The following KAT6A variants were observed in gnomAD, a reference collection of about 807,000 sequenced individuals.
KAT6A encodes the protein lysine acetyltransferase 6A, also known as histone acetyltransferase KAT6A.
KAT6A carries 9 observed loss-of-function variants against 198.4 expected under a neutral mutation model. The ratio of observed to expected loss-of-function variants is 0.05; its 90% CI spans 0.03 to 0.08. KAT6A has a LOEUF of 0.08. Ranked by LOEUF, KAT6A falls within the 10% of genes least tolerant of loss-of-function variation. KAT6A has a pLI of 1.00. For missense variants in KAT6A, 2,077 were observed against 2,509.9 expected, an observed-to-expected ratio of 0.83 and a Z score of 3.69; for synonymous variants, 890 against 883.0, an observed-to-expected ratio of 1.01 and a Z score of -0.14.
chr8:41,950,868 A>G (rs1437464398), intron 9 of KAT6A, among the ~76,000 whole-genome samples: 1 of 152,186 alleles, frequency 6.6e-6, no homozygotes, highest in African/African-American at 2.4e-5. Flanking sequence ...AATATATACA[A>G]TTTTATCTGT....
intron 2 of KAT6A, among the ~76,000 whole-genome samples, chr8:42,042,254 C>G (rs534914332): frequency 2.0e-5 from 3 of 151,858 alleles, no homozygotes; most frequent in African/African-American, 7.3e-5. Context: ...GTCAGGAGTT[C>G]GAGACCAGCC....
intron 2 of KAT6A, among the ~76,000 whole-genome samples, chr8:42,019,427 G>T (rs1447889373): frequency 6.6e-6 from 1 of 152,106 alleles, no homozygotes; most frequent in Non-Finnish European, 1.5e-5. Flanking sequence ...TGCACTGCAG[G>T]CAGGTCAGAA....
intron 8 of KAT6A, among the ~76,000 whole-genome samples, chr8:41,958,931 G>A (rs576379622): frequency 6.6e-5 from 10 of 152,198 alleles, no homozygotes; most frequent in Non-Finnish European, 1.3e-4. Flanking sequence ...AGGCTGAGGT[G>A]GGCGGATCAC....
In KAT6A at chr8:41,934,502, C is replaced by T. The variant is rs765913297; in HGVS notation, c.3718G>A (p.Glu1240Lys). Residue 1240 changes from glutamate to lysine, a missense_variant, in exon 17 of 17, where the codon GAG (glutamate) becomes AAG (lysine). By Grantham distance (56) the Glu-to-Lys change is moderately conservative. This residue lies in a region of KAT6A where 375 missense variants were observed against 383.0 expected (regional missense o/e 0.98). Transcript: ENST00000265713. ...QAEAEEAEEG[E>K]EEDAASSEVP... ...TCACTGCTGGCTGCATCCTCTTCCT[C>T]ACCCTCTTCAGCCTCTTCTGCCTCT... is the stretch of plus-strand genomic sequence containing the variant. 3 of 1,612,730 alleles carry T rather than the reference C, an allele frequency of 1.9e-6. No homozygotes were observed. Among genetic ancestry groups the T allele is most frequent in the Non-Finnish European group, 2.5e-6 (3 of 1,179,366 alleles).
intron 3 of KAT6A, among the ~76,000 whole-genome samples, chr8:41,984,323 A>G (rs1824499844): frequency 6.6e-6 from 1 of 152,126 alleles, no homozygotes; most frequent in African/African-American, 2.4e-5. Flanking sequence ...TCTCTCAGAC[A>G]CTCATCGGGG....
At position 41,978,627 on chromosome 8, in the gene KAT6A, A is replaced by G. The variant is rs1824188423; in HGVS notation, c.1043+15T>C. 6.2e-7 allele frequency: 1 copy of G among 1,613,070 alleles called. No individual in the cohort carries two copies. Among genetic ancestry groups the G allele is most frequent in the Non-Finnish European group, 8.5e-7 (1 of 1,179,524 alleles). On this transcript the variant is annotated intron_variant, in intron 6 of 16. Coordinates refer to ENST00000265713, the MANE Select transcript of KAT6A (RefSeq NM_006766.5). ...TATCCTTTTCTCCCCTCACCTTGCCACAAGTACAACTTACACCGTGTTTTG... is the reference window on the plus strand; with the variant it reads ...TATCCTTTTCTCCCCTCACCTTGCCGCAAGTACAACTTACACCGTGTTTTG...
chr8:41,965,043 C>A (rs1331289195), intron 8 of KAT6A, among the ~76,000 whole-genome samples: 1 of 152,120 alleles, frequency 6.6e-6, no homozygotes, highest in Non-Finnish European at 1.5e-5. Context: ...TATTTGAGGA[C>A]CTACTACATG....
chr8:41,940,007 T>C (rs1451069669), intron 15 of KAT6A, among the ~76,000 whole-genome samples: 1 of 152,224 alleles, frequency 6.6e-6, no homozygotes, highest in African/African-American at 2.4e-5. Context: ...GCTCTGAAGA[T>C]ATTATTCTTA....
intron 2 of KAT6A, among the ~76,000 whole-genome samples, chr8:42,035,331 T>C (rs181005876): frequency 5.0e-4 from 76 of 152,298 alleles, no homozygotes; most frequent in African/African-American, 1.8e-3. Flanking sequence ...TGAGCCATTG[T>C]GAATCTGAAG....
Position 41,955,277 on chromosome 8 carries a change from AG to A in KAT6A, c.1598+18del. On this transcript the variant is annotated intron_variant, in intron 9 of 16. Transcript: ENST00000265713. Reference sequence around the variant, plus strand: ...CTATGGATCTCAAAACAGAAGGTCAAGGGTCTCTCAAAACATACCTTGAGTA... The same window carrying A: ...CTATGGATCTCAAAACAGAAGGTCAAGGTCTCTCAAAACATACCTTGAGTA... 2.1e-6 allele frequency: 3 copies of A among 1,427,114 alleles called. No individual in the cohort carries two copies. The highest frequency in any genetic ancestry group is 3.0e-6 in the Non-Finnish European group (3 of 1,009,952). The allele number at this position is 1,427,114 out of a possible 1,614,324, so 88.4% of individuals were successfully genotyped here.
chr8:42,002,442 T>C (rs955057844), intron 2 of KAT6A, among the ~76,000 whole-genome samples: 6 of 152,170 alleles, frequency 3.9e-5, no homozygotes, highest in Non-Finnish European at 7.3e-5. Flanking sequence ...GTGCCTGTAA[T>C]CCCAGCTACT....
chr8:42,030,461 G>A (rs1437883826), intron 2 of KAT6A, among the ~76,000 whole-genome samples: 4 of 152,112 alleles, frequency 2.6e-5, no homozygotes, highest in African/African-American at 9.7e-5. Flanking sequence ...TCTACTGGCT[G>A]TTTTGGTCCA....
At chr8:41,987,273 C>A (rs1033665147) in intron 3 of KAT6A, among the ~76,000 whole-genome samples, 182 bp downstream of exon 3, 1 of 152,098 alleles carries the variant, frequency 6.6e-6, no homozygotes, top group Non-Finnish European at 1.5e-5. Flanking sequence ...TCAGAACACT[C>A]GATGATGTTC....
chr8:41,933,323 T>G lies in KAT6A; in HGVS notation c.4897A>C (p.Lys1633Gln). 6.4e-7 allele frequency: 1 copy of G among 1,574,528 alleles called. No homozygotes were observed. The highest frequency in any genetic ancestry group is 8.6e-7 in the Non-Finnish European group (1 of 1,163,444). ...SVQPAANCSI[K>Q]SPQSCVVERP... is the part of the protein sequence containing the mutation. ...TCCACCACGCAGCTCTGAGGTGACT[T>G]GATGCTGCAGTTGGCAGCAGGCTGG... Residue 1633 changes from lysine to glutamine, a missense_variant, in exon 17 of 17, where the codon AAG (lysine) becomes CAG (glutamine). Physicochemically the swap from Lys to Gln is moderately conservative, Grantham distance 53. Transcript: ENST00000265713. This position sits in a 1 kb window ranked among gnomAD's most constrained non-coding sequence, Gnocchi z 6.2.
chr8:41,935,824 A>G (rs1821822532), intron 16 of KAT6A, among the ~76,000 whole-genome samples: 1 of 152,266 alleles, frequency 6.6e-6, no homozygotes, highest in Non-Finnish European at 1.5e-5. Flanking sequence ...TTAGTGTACA[A>G]TGATCTAAGA....
At position 41,943,684 on chromosome 8, in the gene KAT6A, G is replaced by C; in HGVS notation, c.2228+64C>G. 5.6e-6 allele frequency: 6 copies of C among 1,067,664 alleles called. 1 individual carries two copies. The South Asian group carries it at 8.0e-5, about 14-fold the overall frequency. 66.1% of individuals were successfully genotyped at this position (1,067,664 alleles called of 1,614,324 possible). A position where few individuals can be genotyped will look rare whatever the true frequency, so the allele number is the denominator to read the frequency against. Reference sequence around the variant, plus strand: ...ATGCCCTTTCATCAATAATCTGACTGGCTGATCCAAAAAACTTCAACCTAA... The same window carrying C: ...ATGCCCTTTCATCAATAATCTGACTCGCTGATCCAAAAAACTTCAACCTAA... On this transcript the variant is annotated intron_variant, in intron 13 of 16. Coordinates refer to ENST00000265713, the MANE Select transcript of KAT6A (RefSeq NM_006766.5).
chr8:41,990,506 A>T (rs749663563), intron 2 of KAT6A, among the ~76,000 whole-genome samples: 7 of 152,196 alleles, frequency 4.6e-5, no homozygotes, highest in Non-Finnish European at 7.3e-5. Flanking sequence ...TTTACATTGC[A>T]GTAAGGAAGA....
chr8:41,934,648 G>T lies in KAT6A; in HGVS notation c.3572C>A (p.Pro1191His), dbSNP rs1374730143. 1 of 1,613,996 alleles carries T rather than the reference G, an allele frequency of 6.2e-7. No individual in the cohort carries two copies. The highest frequency in any genetic ancestry group is 1.3e-5 in the African/African-American group (1 of 74,878). ...PVSTQACVIEPIVSIPKAGRK... is the reference protein window; with the variant it reads ...PVSTQACVIEHIVSIPKAGRK... The stretch of plus-strand genomic sequence containing the variant: ...TCCAGCTTTAGGAATGGAAACGATG[G>T]GCTCAATGACGCATGCTTGAGTAGA... The change falls in exon 17 of 17, where the codon CCC (proline) becomes CAC (histidine). Residue 1191 changes from proline to histidine, a missense_variant. Physicochemically the swap from Pro to His is moderately conservative, Grantham distance 77. Transcript: ENST00000265713.
intron 2 of KAT6A, among the ~76,000 whole-genome samples, chr8:42,026,351 T>C (rs530121002): frequency 6.6e-6 from 1 of 152,326 alleles, no homozygotes; most frequent in African/African-American, 2.4e-5. Context: ...AATCTGTAGA[T>C]TGCTTTGGGT....
Sources: allele counts gnomAD v4.1 joint callset (sites outside exome capture counted in the v4.1 genomes callset), GRCh38; gene constraint gnomAD v4.1.1; regional missense constraint gnomAD v4.1.1; non-coding constraint Gnocchi (gnomAD v3.1); transcripts MANE v1.5; gene names NCBI Gene and HGNC (gene_info 2026-07-23, HGNC 2026-07-21).